Variants in IL1RAPL1 observed in about 807,000 individuals in gnomAD.
IL1RAPL1 encodes the protein interleukin-1 receptor accessory protein-like 1.
IL1RAPL1 carries 3 observed loss-of-function variants against 48.4 expected under a neutral mutation model. The ratio of observed to expected loss-of-function variants is 0.06; its 90% CI spans 0.03 to 0.16. The LOEUF (loss-of-function observed/expected upper bound fraction) is 0.16, where lower values mean the gene tolerates loss of function less well. IL1RAPL1 is among the 10% of genes least tolerant of loss of function. IL1RAPL1 has a pLI of 1.00. For synonymous variants in IL1RAPL1, 185 were observed against 187.7 expected, an observed-to-expected ratio of 0.99 and a Z score of 0.12; for missense variants, 349 against 530.6, an observed-to-expected ratio of 0.66 and a Z score of 3.36.
At chrX:29,825,589 T>C (rs1453596569) in intron 6 of IL1RAPL1, among the ~76,000 whole-genome samples, 1 of 111,698 alleles carries the variant, frequency 9.0e-6, no homozygotes, top group Non-Finnish European at 1.9e-5. Context: ...ATAACAACAA[T>C]AGTTGCTTTG....
At chrX:29,641,762 G>C (rs1925177081) in intron 5 of IL1RAPL1, among the ~76,000 whole-genome samples, 1 of 112,279 alleles carries the variant, frequency 8.9e-6, no homozygotes, top group African/African-American at 3.2e-5. Flanking sequence ...CTGTAAAACT[G>C]TGCTTAGAAT....
At chrX:29,610,324 A>G (rs954078092) in intron 5 of IL1RAPL1, among the ~76,000 whole-genome samples, 9 of 111,929 alleles carry the variant, frequency 8.0e-5, no homozygotes, top group African/African-American at 2.6e-4. Flanking sequence ...GGAACAATTC[A>G]AAAGCTGTTC....
intron 5 of IL1RAPL1, among the ~76,000 whole-genome samples, chrX:29,655,159 C>A (rs768548453): frequency 2.7e-5 from 3 of 111,595 alleles, no homozygotes; most frequent in Admixed American, 9.5e-5. Flanking sequence ...GCAAGCAGAT[C>A]AAACCTCTTC....
chrX:29,415,950 A>G (rs1156618109), intron 5 of IL1RAPL1, among the ~76,000 whole-genome samples: 1 of 112,324 alleles, frequency 8.9e-6, no homozygotes, highest in Non-Finnish European at 1.9e-5. Context: ...AGTCACTGCA[A>G]TAGCAGTATA....
At chrX:28,631,381 G>C (rs1934398798) in intron 1 of IL1RAPL1, among the ~76,000 whole-genome samples, 1 of 111,845 alleles carries the variant, frequency 8.9e-6, no homozygotes, top group Non-Finnish European at 1.9e-5. Context: ...GGTAAATGAA[G>C]AAGATATAAG....
intron 2 of IL1RAPL1, among the ~76,000 whole-genome samples, chrX:28,797,324 C>T (rs1399903804): frequency 2.7e-5 from 3 of 111,856 alleles, no homozygotes; most frequent in South Asian, 3.8e-4. Flanking sequence ...AATTTCTCCT[C>T]AAAAAATGGG....
chrX:28,693,760 GA>G (rs776994558), intron 1 of IL1RAPL1, among the ~76,000 whole-genome samples: 167 of 111,938 alleles, frequency 1.5e-3, no homozygotes, highest in Middle Eastern at 4.6e-3. Flanking sequence ...TGTTATTGAC[GA>G]AGAGATACTT....
chrX:28,915,485 C>T (rs938336090), intron 2 of IL1RAPL1, among the ~76,000 whole-genome samples: 1 of 111,886 alleles, frequency 8.9e-6, no homozygotes, highest in Middle Eastern at 4.2e-3. Context: ...TTAAAAATAA[C>T]GTTTATTGAA....
At chrX:28,973,368 G>A (rs781124900) in intron 2 of IL1RAPL1, among the ~76,000 whole-genome samples, 1 of 112,256 alleles carries the variant, frequency 8.9e-6, no homozygotes, top group South Asian at 3.7e-4. Flanking sequence ...TGAAAGTTAA[G>A]CCAAAAGTAT....
At chrX:29,622,106 A>T (rs994818000) in intron 5 of IL1RAPL1, among the ~76,000 whole-genome samples, 1 of 112,535 alleles carries the variant, frequency 8.9e-6, no homozygotes, top group Non-Finnish European at 1.9e-5. Flanking sequence ...TTTATGTCTG[A>T]ATAATATTCC....
chrX:29,344,784 C>T (rs1328232911), intron 3 of IL1RAPL1, among the ~76,000 whole-genome samples: 2 of 112,153 alleles, frequency 1.8e-5, no homozygotes, highest in Non-Finnish European at 3.8e-5. Flanking sequence ...ACTACAGGCA[C>T]ATGCCACCAC....
intron 6 of IL1RAPL1, among the ~76,000 whole-genome samples, chrX:29,785,581 A>G (rs991591933): frequency 8.9e-6 from 1 of 112,301 alleles, no homozygotes; most frequent in Non-Finnish European, 1.9e-5. Flanking sequence ...GAGAAATAAA[A>G]ATGTATGTCA....
At chrX:28,762,864 C>T (rs1159285898) in intron 1 of IL1RAPL1, among the ~76,000 whole-genome samples, 3 of 107,098 alleles carry the variant, frequency 2.8e-5, no homozygotes, top group Admixed American at 1.0e-4. Context: ...GCTTGTTTCA[C>T]GTAACCAAAG....
At chrX:29,802,972 T>G (rs1412209738) in intron 6 of IL1RAPL1, among the ~76,000 whole-genome samples, 3 of 86,803 alleles carry the variant, frequency 3.5e-5, no homozygotes, top group African/African-American at 1.3e-4. Flanking sequence ...TGTGTACATA[T>G]ATACATACAT....
At chrX:29,333,354 C>T (rs1331971003) in intron 3 of IL1RAPL1, among the ~76,000 whole-genome samples, 8 of 96,044 alleles carry the variant, frequency 8.3e-5, no homozygotes, top group African/African-American at 1.1e-4. Context: ...TAGGGGCGGC[C>T]GGGCAGAGGC....
intron 2 of IL1RAPL1, among the ~76,000 whole-genome samples, chrX:29,271,542 T>G (rs908088772): frequency 6.2e-5 from 7 of 112,438 alleles, no homozygotes; most frequent in African/African-American, 1.6e-4. Context: ...TTTTAACTTT[T>G]AAATAATAAC....
chrX:29,182,745 T>C (rs1436519646), intron 2 of IL1RAPL1, among the ~76,000 whole-genome samples: 1 of 111,406 alleles, frequency 9.0e-6, no homozygotes, highest in Non-Finnish European at 1.9e-5. Flanking sequence ...CATATCCTGA[T>C]TTTTGGAACC....
chrX:29,307,820 A>C (rs1932649293), intron 3 of IL1RAPL1, among the ~76,000 whole-genome samples: 1 of 112,509 alleles, frequency 8.9e-6, no homozygotes, highest in East Asian at 2.8e-4. Flanking sequence ...ATAAAATACA[A>C]GCAAAATGCA....
rs1046784978 is a variant in IL1RAPL1, at chrX:29,140,300, G to A, written c.83-142638G>A. ...AATTTTCAAGATGAGATTTGACGGG[G>A]ACAAATACCCAAACTATATGAAATG... On this transcript the variant is annotated intron_variant, in intron 2 of 10. Coordinates refer to ENST00000378993, the MANE Select transcript of IL1RAPL1 (RefSeq NM_014271.4). Among the ~76,000 whole-genome samples the A allele has an allele frequency of 2.7e-5, 3 of 111,506 alleles. No homozygotes were observed. The Admixed American group carries it at 2.9e-4, about 11-fold the overall frequency.
Sources: allele counts gnomAD v4.1 joint callset (sites outside exome capture counted in the v4.1 genomes callset), GRCh38; gene constraint gnomAD v4.1.1; transcripts MANE v1.5; gene names NCBI Gene and HGNC (gene_info 2026-07-23, HGNC 2026-07-21).